MYRIP: variants seen among roughly 807,000 people sequenced by gnomAD.
MYRIP encodes the protein myosin VIIA and Rab interacting protein, also known as rab effector MyRIP.
In MYRIP, 49 loss-of-function variants were observed where a neutral mutation model predicts 98.0. The observed-to-expected ratio is 0.50, with a 90% confidence interval of 0.40 to 0.63. MYRIP has a LOEUF of 0.63. Ranked by LOEUF, MYRIP falls within the 30% of genes least tolerant of loss-of-function variation. The probability of loss-of-function intolerance (pLI) is 0.00; values close to 1 mark genes in which losing one functional copy is unlikely to be tolerated. For synonymous variants in MYRIP, 404 were observed against 409.5 expected (o/e 0.99, Z 0.16); for missense variants, 1,004 against 1,058.2 (o/e 0.95, Z 0.71).
intron 2 of MYRIP, among the ~76,000 whole-genome samples, chr3:40,025,174 G>T (rs1212374629): frequency 6.6e-6 from 1 of 152,144 alleles, no homozygotes; most frequent in Non-Finnish European, 1.5e-5. Flanking sequence ...GCACTCATGT[G>T]GGATGAGTGG....
chr3:39,977,935 C>T (rs907230155), intron 2 of MYRIP, among the ~76,000 whole-genome samples: 1 of 152,034 alleles, frequency 6.6e-6, no homozygotes, highest in Admixed American at 6.6e-5. Context: ...TCTGTGGAGC[C>T]CCTATTATAT....
intron 2 of MYRIP, among the ~76,000 whole-genome samples, chr3:39,970,860 AT>A (rs1336411608): frequency 6.6e-6 from 1 of 152,074 alleles, no homozygotes; most frequent in East Asian, 1.9e-4. Flanking sequence ...GAAAAAAGTA[AT>A]TTTTTGCTTA....
chr3:40,191,731 A>T (rs145623597), intron 10 of MYRIP, among the ~76,000 whole-genome samples: 1 of 152,182 alleles, frequency 6.6e-6, no homozygotes, highest in Non-Finnish European at 1.5e-5. Context: ...ATCATTAAAA[A>T]TCTGTCTCAT....
At chr3:39,884,783 C>A (rs1387269420) in intron 1 of MYRIP, among the ~76,000 whole-genome samples, 2 of 149,600 alleles carry the variant, frequency 1.3e-5, no homozygotes, top group East Asian at 3.9e-4. Context: ...CATATTTTTC[C>A]ATTGTATGGC....
At chr3:40,186,598 C>T (rs1188108043) in intron 9 of MYRIP, among the ~76,000 whole-genome samples, 2 of 152,088 alleles carry the variant, frequency 1.3e-5, no homozygotes, top group Non-Finnish European at 2.9e-5. Context: ...TCCCAGGAGG[C>T]GATGAATCCT....
Position 40,258,881 on chromosome 3 carries a change from G to A in MYRIP, c.*715G>A, listed in dbSNP as rs1349993831. On this transcript the variant is annotated 3_prime_UTR_variant, in exon 17 of 17. Coordinates refer to ENST00000302541, the MANE Select transcript of MYRIP (RefSeq NM_015460.4). ...GAAACAATGTCTCATTAAGAATTTA[G>A]GGTTCTTCCATGGGCTTACTGACAG... The A allele has an allele frequency of 6.6e-6, 1 of 152,350 alleles. No individual in the cohort carries two copies. The highest frequency in any genetic ancestry group is 2.4e-5 in the African/African-American group (1 of 41,446). 9.4% of individuals were successfully genotyped at this position (152,350 alleles called of 1,614,324 possible).
chr3:40,196,630 GT>G (rs1951401619), intron 10 of MYRIP, among the ~76,000 whole-genome samples: 1 of 152,166 alleles, frequency 6.6e-6, no homozygotes, highest in African/African-American at 2.4e-5. Flanking sequence ...TAAATGATCA[GT>G]TTTTGTGAAT....
rs912727297 is a variant in MYRIP, at chr3:40,254,448, G to A, written c.2547+2449G>A. Among the ~76,000 whole-genome samples, 4 of 133,692 alleles carry A rather than the reference G, an allele frequency of 3.0e-5. No homozygotes were observed. The Admixed American group carries it at 3.2e-4, about 11-fold the overall frequency. 87.7% of individuals were successfully genotyped at this position (133,692 alleles called of 152,430 possible). ...CAGCAGATAATATAGAAAGAGTGGGGCAGGAGAACAATCAGATATTCATTT... is the reference window on the plus strand; with the variant it reads ...CAGCAGATAATATAGAAAGAGTGGGACAGGAGAACAATCAGATATTCATTT... On this transcript the variant is annotated intron_variant, in intron 16 of 16. Transcript: ENST00000302541.
chr3:40,144,122 A>G (rs1357799571), intron 3 of MYRIP, among the ~76,000 whole-genome samples: 1 of 152,246 alleles, frequency 6.6e-6, no homozygotes, highest in Non-Finnish European at 1.5e-5. Flanking sequence ...AAAAGCCTTG[A>G]ACAAACAAGA....
At chr3:39,884,156 C>T (rs1369973743) in intron 1 of MYRIP, among the ~76,000 whole-genome samples, 1 of 152,008 alleles carries the variant, frequency 6.6e-6, no homozygotes, top group African/African-American at 2.4e-5. Flanking sequence ...ATCTGGAAGA[C>T]CATGGAATAC....
chr3:39,880,156 A>G (rs897240475), intron 1 of MYRIP, among the ~76,000 whole-genome samples: 3 of 152,130 alleles, frequency 2.0e-5, no homozygotes, highest in Non-Finnish European at 4.4e-5. Context: ...TGCTGCACCC[A>G]TTAACTCGTC....
At chr3:39,932,323 G>A (rs897749972) in intron 2 of MYRIP, among the ~76,000 whole-genome samples, 1 of 152,006 alleles carries the variant, frequency 6.6e-6, no homozygotes, top group African/African-American at 2.4e-5. Flanking sequence ...CTCCAAAGTG[G>A]AAACTGCTCA....
At chr3:40,035,987 T>C (rs1453716879) in intron 2 of MYRIP, among the ~76,000 whole-genome samples, 1 of 151,596 alleles carries the variant, frequency 6.6e-6, no homozygotes. Context: ...TACAAAGAGA[T>C]GAAACAAAGA....
At chr3:40,243,087 T>C (rs534054934) in intron 12 of MYRIP, among the ~76,000 whole-genome samples, 67 of 152,252 alleles carry the variant, frequency 4.4e-4, no homozygotes, top group African/African-American at 1.5e-3. Context: ...AATAAAGAAA[T>C]ATAAAACAAA....
At chr3:40,236,680 G>C (rs778317377) in intron 12 of MYRIP, among the ~76,000 whole-genome samples, 1 of 152,198 alleles carries the variant, frequency 6.6e-6, no homozygotes, top group Admixed American at 6.5e-5. Flanking sequence ...GAGAAATTTG[G>C]ACATTAACAC....
At chr3:39,941,008 G>GA (rs991719773) in intron 2 of MYRIP, among the ~76,000 whole-genome samples, 3 of 151,988 alleles carry the variant, frequency 2.0e-5, no homozygotes, top group Non-Finnish European at 4.4e-5. Flanking sequence ...CTGTACTTTG[G>GA]AAAAAAGTGA....
intron 3 of MYRIP, among the ~76,000 whole-genome samples, chr3:40,083,257 G>T (rs897027207): frequency 1.3e-5 from 2 of 152,172 alleles, no homozygotes; most frequent in African/African-American, 2.4e-5. Flanking sequence ...TGCTGTGAGT[G>T]GGTCTTCATT....
intron 4 of MYRIP, among the ~76,000 whole-genome samples, chr3:40,161,287 A>G (rs890933235): frequency 5.3e-5 from 8 of 152,332 alleles, no homozygotes; most frequent in African/African-American, 1.9e-4. Flanking sequence ...TTAAAAGGAA[A>G]CAGAAAGAGA....
intron 3 of MYRIP, among the ~76,000 whole-genome samples, chr3:40,058,364 T>C (rs112735101): frequency 1.3e-5 from 2 of 152,196 alleles, no homozygotes; most frequent in African/African-American, 4.8e-5. Context: ...CTAAAAAATA[T>C]GTGTAGAAGA....
Sources: allele counts gnomAD v4.1 joint callset (sites outside exome capture counted in the v4.1 genomes callset), GRCh38; gene constraint gnomAD v4.1.1; transcripts MANE v1.5; gene names NCBI Gene and HGNC (gene_info 2026-07-23, HGNC 2026-07-21).